The following TTC9 variants were observed in gnomAD, a reference collection of about 807,000 sequenced individuals.
TTC9 encodes tetratricopeptide repeat domain 9.
Under a neutral mutation model 22.9 loss-of-function variants are expected in TTC9, and 13 were observed. That is an observed-to-expected ratio of 0.57 (90% CI 0.37 to 0.90). The LOEUF is 0.90. TTC9 is among the 40% of genes least tolerant of loss of function. The probability of loss-of-function intolerance (pLI) is 0.01; values close to 1 mark genes in which losing one functional copy is unlikely to be tolerated. For missense variants in TTC9, 280 were observed against 291.8 expected, an observed-to-expected ratio of 0.96 and a Z score of 0.29; for synonymous variants, 148 against 133.2, an observed-to-expected ratio of 1.11 and a Z score of -0.77.
chr14:70,670,839 C>T (rs551757142), intron 2 of TTC9, among the ~76,000 whole-genome samples: 13 of 152,008 alleles, frequency 8.6e-5, no homozygotes, highest in Non-Finnish European at 1.9e-4. Flanking sequence ...CCTCTCCCAC[C>T]CATTCTCTCT....
chr14:70,642,745 A>G (rs1236212092), intron 1 of TTC9, among the ~76,000 whole-genome samples: 1 of 152,224 alleles, frequency 6.6e-6, no homozygotes, highest in Non-Finnish European at 1.5e-5. Flanking sequence ...TCGCTAGCAT[A>G]CATCGTAAAT....
At chr14:70,656,274 T>G (rs1886066323) in intron 1 of TTC9, among the ~76,000 whole-genome samples, 2 of 151,804 alleles carry the variant, frequency 1.3e-5, no homozygotes, top group Admixed American at 1.3e-4. Context: ...TTCAGGTTTA[T>G]ACTGTACAAA....
In TTC9 at chr14:70,644,664, G is replaced by A. The variant is rs552826619; in HGVS notation, c.406+2129G>A. On this transcript the variant is annotated intron_variant, in intron 1 of 2. Transcript: ENST00000256367. ...TGGAAATTCCTTTGGGAGATCTCAG[G>A]CCTGGTAACCAGGAGAAAGAAATAG... 2.0e-5 allele frequency among the ~76,000 whole-genome samples: 3 copies of A among 152,290 alleles called. No homozygotes were observed. In the South Asian group the frequency reaches 6.2e-4, roughly 32 times the overall value.
At chr14:70,658,228 T>G (rs775469431) in intron 1 of TTC9, among the ~76,000 whole-genome samples, 2 of 152,160 alleles carry the variant, frequency 1.3e-5, no homozygotes, top group Non-Finnish European at 2.9e-5. Context: ...GAGCTAATAA[T>G]AGCTATTTCC....
At position 70,671,245 on chromosome 14, in the gene TTC9, T is replaced by C; in HGVS notation, c.*90T>C. The C allele has an allele frequency of 9.6e-7, 1 of 1,046,782 alleles. No homozygotes were observed. Among genetic ancestry groups the C allele is most frequent in the Non-Finnish European group, 1.4e-6 (1 of 704,686 alleles). 64.8% of individuals were successfully genotyped at this position (1,046,782 alleles called of 1,614,324 possible). A position where few individuals can be genotyped will look rare whatever the true frequency, so the allele number is the denominator to read the frequency against. ...GAGCCCCGTCCTGGATTCTGTCCCT[T>C]TCTCCCCACTTCTTCTGGCTCCTCA... On this transcript the variant is annotated 3_prime_UTR_variant, in exon 3 of 3. Transcript: ENST00000256367.
rs959001301 is a variant in TTC9, at chr14:70,674,269, C to T, written c.*3114C>T. 4.6e-5 allele frequency: 7 copies of T among 152,112 alleles called. No homozygotes were observed. The highest frequency in any genetic ancestry group is 1.4e-4 in the African/African-American group (6 of 41,408). 9.4% of individuals were successfully genotyped at this position (152,112 alleles called of 1,614,324 possible). Reference sequence around the variant, plus strand: ...ATGGACTCTTTGGGGGAAAAACTAACGCTTTTTAATTATTGTGAAAGCATC... The same window carrying T: ...ATGGACTCTTTGGGGGAAAAACTAATGCTTTTTAATTATTGTGAAAGCATC... On this transcript the variant is annotated 3_prime_UTR_variant, in exon 3 of 3. Coordinates refer to ENST00000256367, the MANE Select transcript of TTC9 (RefSeq NM_015351.2).
intron 1 of TTC9, among the ~76,000 whole-genome samples, chr14:70,657,735 G>A (rs958879656): frequency 6.6e-6 from 1 of 152,190 alleles, no homozygotes; most frequent in African/African-American, 2.4e-5. Context: ...GGAGGCCGAG[G>A]CGGGCAGATC....
intron 1 of TTC9, among the ~76,000 whole-genome samples, chr14:70,653,091 A>G (rs1310927957): frequency 6.6e-6 from 1 of 152,246 alleles, no homozygotes; most frequent in Non-Finnish European, 1.5e-5. Context: ...GCATGTGAGT[A>G]ATAATAATGT....
Position 70,642,405 on chromosome 14 carries a change from GC to G in TTC9, c.282del (p.Glu96AsnfsTer15), listed in dbSNP as rs751516988. 4 of 1,597,658 alleles carry G rather than the reference GC, an allele frequency of 2.5e-6. No individual in the cohort carries two copies. Among genetic ancestry groups the G allele is most frequent in the East Asian group, 2.3e-5 (1 of 43,874 alleles). ...ALLELKGLLP[P>X]PGERERDSRP... ...TGCTGGAGCTGAAGGGGCTGCTGCCGCCCCCCGGGGAACGGGAGCGGGACTC... is the reference window on the plus strand; with the variant it reads ...TGCTGGAGCTGAAGGGGCTGCTGCCGCCCCCGGGGAACGGGAGCGGGACTC... On this transcript the variant is annotated frameshift_variant, in exon 1 of 3. Transcript: ENST00000256367. LOFTEE classifies it high-confidence loss of function.
chr14:70,666,123 G>T (rs549643176), intron 1 of TTC9, among the ~76,000 whole-genome samples: 4 of 152,144 alleles, frequency 2.6e-5, no homozygotes, highest in African/African-American at 9.6e-5. Flanking sequence ...GCTCAGCAGG[G>T]TTGGGATTAG....
At position 70,670,954 on chromosome 14, in the gene TTC9, GGGACCTT is replaced by G. The variant is rs1886285335; in HGVS notation, c.590-119_590-113del. 3.9e-5 allele frequency: 32 copies of G among 826,664 alleles called. No individual in the cohort carries two copies. In the South Asian group the frequency reaches 4.7e-4, roughly 12 times the overall value. The allele number at this position is 826,664 out of a possible 1,614,324, so 51.2% of individuals were successfully genotyped here. A position where few individuals can be genotyped will look rare whatever the true frequency, so the allele number is the denominator to read the frequency against. On this transcript the variant is annotated intron_variant, in intron 2 of 2. Transcript: ENST00000256367. ...TCTCAGCCACCATGGATAGGCAGAA[GGGACCTT>G]GGTTGAGTGAGCCTGGCCTGTTGGA...
In TTC9 at chr14:70,672,398, T is replaced by C. The variant is rs1454697903; in HGVS notation, c.*1243T>C. ...CAGCCTAGTCTCCTGATGTCTGTGCTCGTTATGCTATGCCATGTTGCTTCA... is the reference window on the plus strand; with the variant it reads ...CAGCCTAGTCTCCTGATGTCTGTGCCCGTTATGCTATGCCATGTTGCTTCA... On this transcript the variant is annotated 3_prime_UTR_variant, in exon 3 of 3. Coordinates refer to ENST00000256367, the MANE Select transcript of TTC9 (RefSeq NM_015351.2). The C allele has an allele frequency of 2.6e-5, 4 of 152,252 alleles. No homozygotes were observed. The highest frequency in any genetic ancestry group is 5.9e-5 in the Non-Finnish European group (4 of 68,042). 9.4% of individuals were successfully genotyped at this position (152,252 alleles called of 1,614,324 possible).
chr14:70,654,066 A>G (rs1223940985), intron 1 of TTC9, among the ~76,000 whole-genome samples: 3 of 152,080 alleles, frequency 2.0e-5, no homozygotes, highest in African/African-American at 7.2e-5. Flanking sequence ...CTTGGGAGTG[A>G]GAGCACTAGC....
intron 1 of TTC9, among the ~76,000 whole-genome samples, chr14:70,663,166 T>A (rs1886167933): frequency 1.3e-5 from 2 of 152,198 alleles, no homozygotes; most frequent in Admixed American, 1.3e-4. Flanking sequence ...CTTTTCCAGC[T>A]TCACCTTTTT....
In TTC9 at chr14:70,642,484, C is replaced by A; in HGVS notation, c.355C>A (p.Gln119Lys). 1 of 1,547,464 alleles carries A rather than the reference C, an allele frequency of 6.5e-7. No homozygotes were observed. Among genetic ancestry groups the A allele is most frequent in the Non-Finnish European group, 8.7e-7 (1 of 1,145,908 alleles). ...GAAGCCCGGCCGCCTCTCGGAGGAG[C>A]AGAGCAAGACGGTGGAAGCCATCGA... Reference protein sequence around the residue: ...ALKPGRLSEEQSKTVEAIEID... With the variant: ...ALKPGRLSEEKSKTVEAIEID... The change falls in exon 1 of 3, where the codon CAG (glutamine) becomes AAG (lysine). Residue 119 changes from glutamine to lysine, a missense_variant. Physicochemically the swap from Gln to Lys is moderately conservative, Grantham distance 53. Transcript: ENST00000256367.
chr14:70,646,946 CTT>C (rs1279133486), intron 1 of TTC9, among the ~76,000 whole-genome samples: 1 of 152,160 alleles, frequency 6.6e-6, no homozygotes, highest in Non-Finnish European at 1.5e-5. Flanking sequence ...ATGTAGGACT[CTT>C]TGTTGAAAAG....
intron 1 of TTC9, among the ~76,000 whole-genome samples, chr14:70,643,419 C>G (rs1594733183): frequency 6.6e-6 from 1 of 152,200 alleles, no homozygotes; most frequent in Non-Finnish European, 1.5e-5. Context: ...CTGGCTCTTG[C>G]TAGGGCCTTC....
Position 70,642,119 on chromosome 14 carries a change from G to T in TTC9, c.-11G>T. ...ATCGCGGCGCGCACCAGGCGCCGGG[G>T]CGGCGGCCGAATGGAGAGAAAGGGC... On this transcript the variant is annotated 5_prime_UTR_variant, in exon 1 of 3. Coordinates refer to ENST00000256367, the MANE Select transcript of TTC9 (RefSeq NM_015351.2). 2 of 1,114,746 alleles carry T rather than the reference G, an allele frequency of 1.8e-6. No homozygotes were observed. The highest frequency in any genetic ancestry group is 1.7e-5 in the African/African-American group (1 of 59,918). 69.1% of individuals were successfully genotyped at this position (1,114,746 alleles called of 1,614,324 possible). A position where few individuals can be genotyped will look rare whatever the true frequency, so the allele number is the denominator to read the frequency against.
chr14:70,650,698 A>T (rs1450404380), intron 1 of TTC9, among the ~76,000 whole-genome samples: 1 of 152,348 alleles, frequency 6.6e-6, no homozygotes, highest in South Asian at 2.1e-4. Flanking sequence ...AAAATTCTCC[A>T]CATCATTCTT....
Sources: allele counts gnomAD v4.1 joint callset (sites outside exome capture counted in the v4.1 genomes callset), GRCh38; gene constraint gnomAD v4.1.1; transcripts MANE v1.5; gene names NCBI Gene and HGNC (gene_info 2026-07-23, HGNC 2026-07-21).